NID1: variants seen among roughly 807,000 people sequenced by gnomAD.
NID1 encodes the protein nidogen 1, also known as nidogen-1.
In NID1, 76 loss-of-function variants were observed where a neutral mutation model predicts 130.6. The observed-to-expected ratio is 0.58, with a 90% CI of 0.48 to 0.70. NID1 has a LOEUF of 0.70. Ranked by LOEUF, NID1 falls within the 30% of genes least tolerant of loss-of-function variation. NID1 has a pLI of 0.00. For missense variants in NID1, 1,517 were observed against 1,664.8 expected, an observed-to-expected ratio of 0.91 and a Z score of 1.54; for synonymous variants, 665 against 675.1, an observed-to-expected ratio of 0.98 and a Z score of 0.23.
At chr1:236,055,914 G>A (rs1038315289) in intron 1 of NID1, among the ~76,000 whole-genome samples, 2 of 152,180 alleles carry the variant, frequency 1.3e-5, no homozygotes, top group Admixed American at 6.5e-5. Flanking sequence ...GCACAATCAA[G>A]TTGGTTAGCA....
At chr1:236,017,421 G>T in intron 9 of NID1, 148 bp from the exon 10 acceptor site, 1 of 857,686 alleles carries the variant, frequency 1.2e-6, no homozygotes, top group Non-Finnish European at 1.7e-6. Context: ...GTCTTGCTCT[G>T]TCGCCCAGAG....
intron 1 of NID1, among the ~76,000 whole-genome samples, chr1:236,062,506 C>T (rs765039082): frequency 5.3e-5 from 8 of 151,394 alleles, no homozygotes; most frequent in Non-Finnish European, 8.8e-5. Flanking sequence ...TGGTGGTGCG[C>T]GCCTGTAATC....
In NID1 at chr1:236,048,605, T is replaced by C. The variant is rs1447065210; in HGVS notation, c.525+85A>G. Reference sequence around the variant, plus strand: ...GTCTTTATCAATGGTGTATAACTTATGTCAAAGCAGCACAAGGCGTGAGAC... The same window carrying C: ...GTCTTTATCAATGGTGTATAACTTACGTCAAAGCAGCACAAGGCGTGAGAC... On this transcript the variant is annotated intron_variant, in intron 2 of 19. Transcript: ENST00000264187. 2.2e-5 allele frequency: 32 copies of C among 1,428,634 alleles called. No homozygotes were observed. The East Asian group carries it at 2.4e-4, about 11-fold the overall frequency. 88.5% of individuals were successfully genotyped at this position (1,428,634 alleles called of 1,614,324 possible). A position where few individuals can be genotyped will look rare whatever the true frequency, so the allele number is the denominator to read the frequency against.
rs1474975002 is a variant in NID1 at position 236,042,136 on chromosome 1, C to T, written c.909G>A (p.Leu303=). ...DEDYDLATTR[L]GLEDVGTTPF... The stretch of plus-strand genomic sequence containing the variant: ...GCGTGGTGCCCACATCCTCCAGGCC[C>T]AGACGAGTGGTCGCCAGGTCATAAT... Residue 303 remains leucine, a synonymous_variant, in exon 4 of 20, where the codon CTG becomes CTA. Transcript: ENST00000264187. 1 of 1,614,062 alleles carries T rather than the reference C, an allele frequency of 6.2e-7. No individual in the cohort carries two copies.
chr1:235,985,680 C>T (rs1382665234), intron 14 of NID1, among the ~76,000 whole-genome samples, 175 bp from the exon 15 acceptor site: 5 of 152,012 alleles, frequency 3.3e-5, no homozygotes, highest in African/African-American at 1.2e-4. Flanking sequence ...TCAGAAAAAA[C>T]TCCTGTCATA....
chr1:236,003,391 C>G (rs1658143890), intron 12 of NID1, among the ~76,000 whole-genome samples: 1 of 152,166 alleles, frequency 6.6e-6, no homozygotes, highest in African/African-American at 2.4e-5. Flanking sequence ...AGTTGGATGC[C>G]TTGGACAAAT....
At chr1:236,027,143 C>G (rs750701923) in intron 7 of NID1, among the ~76,000 whole-genome samples, 5 of 152,240 alleles carry the variant, frequency 3.3e-5, no homozygotes, top group Admixed American at 3.3e-4. Context: ...GGAAAAATTA[C>G]TAAAGCACTG....
At chr1:235,987,983 C>T (rs185281550) in intron 14 of NID1, among the ~76,000 whole-genome samples, 40 of 151,636 alleles carry the variant, frequency 2.6e-4, no homozygotes, top group East Asian at 1.4e-3. Context: ...TTGGATTTGG[C>T]GACAATTTCT....
Position 235,980,481 on chromosome 1 carries a change from C to T in NID1, c.3385+15G>A. The T allele has an allele frequency of 6.2e-7, 1 of 1,613,854 alleles. No individual in the cohort carries two copies. The highest frequency in any genetic ancestry group is 8.5e-7 in the Non-Finnish European group (1 of 1,179,892). ...GATTGAGACCCGCCCTGGACAGTGT[C>T]CAGCTTTCCATCACCTGCATCCACC... On this transcript the variant is annotated intron_variant, in intron 17 of 19. Transcript: ENST00000264187.
chr1:236,063,806 C>G (rs74395140), intron 1 of NID1, among the ~76,000 whole-genome samples: 423 of 152,210 alleles, frequency 2.8e-3, no homozygotes, highest in Non-Finnish European at 4.9e-3. Context: ...AAAATAAAAG[C>G]GTTATACTGA....
At chr1:236,056,368 C>A (rs1301776575) in intron 1 of NID1, among the ~76,000 whole-genome samples, 1 of 152,100 alleles carries the variant, frequency 6.6e-6, no homozygotes, top group Non-Finnish European at 1.5e-5. Flanking sequence ...CATATTTGTA[C>A]ATATTTATGG....
chr1:236,024,765 T>C lies in NID1; in HGVS notation c.1985-552A>G, dbSNP rs544587097. 7.9e-5 allele frequency among the ~76,000 whole-genome samples: 12 copies of C among 152,288 alleles called. No individual in the cohort carries two copies. In the East Asian group the frequency reaches 1.7e-3, roughly 22 times the overall value. The stretch of plus-strand genomic sequence containing the variant: ...ACAGGACCCCTGAGGCTTAAAGATA[T>C]GGACAAATGTGAAGTCTGACACTGG... On this transcript the variant is annotated intron_variant, in intron 8 of 19. Transcript: ENST00000264187.
In NID1 at chr1:235,979,756, T is replaced by C. The variant is rs1657377256; in HGVS notation, c.3509+66A>G. 1.3e-6 allele frequency: 2 copies of C among 1,589,494 alleles called. No individual in the cohort carries two copies. Among genetic ancestry groups the C allele is most frequent in the Admixed American group, 1.7e-5 (1 of 59,606 alleles). ...GCCAAGAGGCCAGATGGGAAGGGCC[T>C]GGCCTCCCAGAGACAGTGGGTGGAG... On this transcript the variant is annotated intron_variant, in intron 18 of 19. Transcript: ENST00000264187. The surrounding 1 kb of genome is among the most constrained non-coding windows in gnomAD (Gnocchi z 4.6).
In NID1 at chr1:235,977,701, G is replaced by A. The variant is rs955045572; in HGVS notation, c.*166C>T. ...GACTTTTCTATTAGAGAAGTCCAGG[G>A]TGCATGTTTTGGGGAACAGTGAGGG... On this transcript the variant is annotated 3_prime_UTR_variant, in exon 20 of 20. Transcript: ENST00000264187. 3 of 681,010 alleles carry A rather than the reference G, an allele frequency of 4.4e-6. No homozygotes were observed. The highest frequency in any genetic ancestry group is 7.5e-6 in the Non-Finnish European group (3 of 402,018). The allele number at this position is 681,010 out of a possible 1,614,324, so 42.2% of individuals were successfully genotyped here.
At chr1:236,044,841 G>T (rs1253230063) in intron 3 of NID1, among the ~76,000 whole-genome samples, 1 of 105,032 alleles carries the variant, frequency 9.5e-6, no homozygotes, top group African/African-American at 4.8e-5. Context: ...TCTCAGCCTT[G>T]AGATCAAAGG....
At chr1:235,978,069 T>G in intron 19 of NID1, 81 bp from the exon 20 acceptor site, 1 of 1,520,290 alleles carries the variant, frequency 6.6e-7, no homozygotes, top group Non-Finnish European at 9.0e-7. Context: ...CTCCTTCTTG[T>G]GTGTGATCCC....
intron 1 of NID1, among the ~76,000 whole-genome samples, chr1:236,049,220 A>G (rs1659696532): frequency 6.6e-6 from 1 of 152,182 alleles, no homozygotes; most frequent in South Asian, 2.1e-4. Context: ...ATTTACTCGA[A>G]AAAGGGAGTA....
At chr1:236,063,545 ATG>A (rs1660105718) in intron 1 of NID1, among the ~76,000 whole-genome samples, 1 of 152,068 alleles carries the variant, frequency 6.6e-6, no homozygotes, top group South Asian at 2.1e-4. Context: ...AGAGCATAAG[ATG>A]TGTGTTTTTT....
intron 12 of NID1, among the ~76,000 whole-genome samples, chr1:236,000,075 G>A (rs538104987): frequency 1.3e-5 from 2 of 152,186 alleles, no homozygotes; most frequent in African/African-American, 2.4e-5. Context: ...TTAGCTGGGC[G>A]TGGTGATGGG....
Sources: gnomAD v4.1 joint callset for allele counts (sites outside exome capture counted in the v4.1 genomes callset) on GRCh38, gnomAD v4.1.1 for gene constraint, Gnocchi (gnomAD v3.1) non-coding constraint, MANE v1.5 for transcripts, NCBI Gene and HGNC (gene_info 2026-07-23, HGNC 2026-07-21) for gene names.